Variants in LRP1B observed in about 807,000 individuals in gnomAD.
LRP1B encodes the protein LDL receptor related protein 1B.
A neutral mutation model predicts 556.6 loss-of-function variants in LRP1B; 217 were observed. The ratio of observed to expected loss-of-function variants is 0.39; its 90% CI spans 0.35 to 0.44. The LOEUF (loss-of-function observed/expected upper bound fraction) is 0.44, where lower values mean the gene tolerates loss of function less well. Ranked by LOEUF, LRP1B falls within the 20% of genes least tolerant of loss-of-function variation. LRP1B has a pLI of 1.00. For synonymous variants in LRP1B, 2,047 were observed against 1,865.8 expected (o/e 1.10, Z -2.50); for missense variants, 5,053 against 5,620.8 (o/e 0.90, Z 3.23).
chr2:140,611,051 C>T (rs747384014), intron 41 of LRP1B, among the ~76,000 whole-genome samples: 3 of 152,204 alleles, frequency 2.0e-5, no homozygotes, highest in Non-Finnish European at 2.9e-5. Context: ...CATTGCTCTA[C>T]ACAAAGCTAC....
At chr2:142,045,037 C>A (rs1470979179) in intron 1 of LRP1B, among the ~76,000 whole-genome samples, 1 of 151,300 alleles carries the variant, frequency 6.6e-6, no homozygotes, top group African/African-American at 2.4e-5. Flanking sequence ...ATGTAACTTC[C>A]TTTTTGAAAA....
chr2:141,132,254 G>A (rs185087930), intron 7 of LRP1B, among the ~76,000 whole-genome samples: 11 of 151,990 alleles, frequency 7.2e-5, no homozygotes, highest in East Asian at 1.9e-4. Flanking sequence ...TTATGGGGGC[G>A]GAACCCTCAT....
At chr2:140,625,250 A>C (rs555196553) in intron 41 of LRP1B, among the ~76,000 whole-genome samples, 1 of 152,340 alleles carries the variant, frequency 6.6e-6, no homozygotes, top group African/African-American at 2.4e-5. Context: ...AGTTAGTGAT[A>C]AATGATCATA....
chr2:141,911,643 G>A (rs1699909807), intron 1 of LRP1B, among the ~76,000 whole-genome samples: 1 of 152,170 alleles, frequency 6.6e-6, no homozygotes, highest in African/African-American at 2.4e-5. Flanking sequence ...AGCTGCTGCT[G>A]CCCTTTGGAT....
chr2:141,727,762 T>C (rs1693094289), intron 2 of LRP1B, among the ~76,000 whole-genome samples: 1 of 152,116 alleles, frequency 6.6e-6, no homozygotes, highest in Non-Finnish European at 1.5e-5. Context: ...AAGCAACATA[T>C]ATATTTTATA....
At chr2:140,409,650 T>C (rs1016922424) in intron 66 of LRP1B, among the ~76,000 whole-genome samples, 8 of 152,014 alleles carry the variant, frequency 5.3e-5, no homozygotes, top group African/African-American at 1.9e-4. Context: ...TATATATTGA[T>C]TGTTTTCTCT....
At chr2:141,433,242 A>G (rs1001575883) in intron 3 of LRP1B, among the ~76,000 whole-genome samples, 4 of 151,972 alleles carry the variant, frequency 2.6e-5, no homozygotes, top group Non-Finnish European at 5.9e-5. Context: ...CTTGTATTTA[A>G]AGAATATGCT....
intron 3 of LRP1B, among the ~76,000 whole-genome samples, chr2:141,279,221 C>T (rs1447197893): frequency 6.6e-6 from 1 of 151,776 alleles, no homozygotes; most frequent in Non-Finnish European, 1.5e-5. Flanking sequence ...GATTATGCAC[C>T]TAATTTTTTA....
intron 41 of LRP1B, among the ~76,000 whole-genome samples, chr2:140,622,073 T>G (rs1683478131): frequency 6.6e-6 from 1 of 152,220 alleles, no homozygotes; most frequent in Non-Finnish European, 1.5e-5. Context: ...TTCATCAAAT[T>G]TAAGGAAAAG....
At position 140,909,822 on chromosome 2, in the gene LRP1B, G is replaced by C. The variant is rs192950213; in HGVS notation, c.3320-1745C>G. 1.2e-3 allele frequency among the ~76,000 whole-genome samples: 184 copies of C among 151,002 alleles called. 1 individual carries two copies. Among genetic ancestry groups the C allele is most frequent in the South Asian group, 0.01 (48 of 4,750 alleles). On this transcript the variant is annotated intron_variant, in intron 21 of 90. Transcript: ENST00000389484. ...CAGAAAAACAGATTTCATATCTATA[G>C]AGAGCATATACTAGAAGAAAAGGCC...
intron 2 of LRP1B, among the ~76,000 whole-genome samples, chr2:141,655,322 G>A (rs891575717): frequency 6.6e-6 from 1 of 152,116 alleles, no homozygotes. Flanking sequence ...AGAATAATAA[G>A]GAAGGAGGAG....
At chr2:140,701,965 G>T in intron 39 of LRP1B, 120 bp from the exon 40 acceptor site, 2 of 1,361,936 alleles carry the variant, frequency 1.5e-6, no homozygotes. Flanking sequence ...TTTAGTCTGT[G>T]ACATTGAAAT....
intron 1 of LRP1B, among the ~76,000 whole-genome samples, chr2:142,089,300 C>T (rs988531348): frequency 2.0e-5 from 3 of 151,906 alleles, no homozygotes; most frequent in Admixed American, 1.3e-4. Context: ...CACGGGCTAC[C>T]CTCAAAGTAT....
At chr2:140,303,527 G>A (rs749746106) in intron 83 of LRP1B, among the ~76,000 whole-genome samples, 14 of 151,900 alleles carry the variant, frequency 9.2e-5, no homozygotes, top group Admixed American at 5.3e-4. Context: ...GATTACAGGC[G>A]TGAGACACCA....
intron 66 of LRP1B, among the ~76,000 whole-genome samples, chr2:140,391,845 A>G (rs565784286): frequency 5.9e-5 from 9 of 152,286 alleles, no homozygotes; most frequent in Admixed American, 2.0e-4. Flanking sequence ...ATTCTGTTTC[A>G]TAATTAAAAT....
chr2:141,902,447 G>C (rs1272899998), intron 1 of LRP1B, among the ~76,000 whole-genome samples: 1 of 151,920 alleles, frequency 6.6e-6, no homozygotes, highest in Non-Finnish European at 1.5e-5. Flanking sequence ...AAATTACCAT[G>C]CTATTCTTGA....
At chr2:141,832,621 G>A (rs970576769) in intron 1 of LRP1B, among the ~76,000 whole-genome samples, 5 of 151,690 alleles carry the variant, frequency 3.3e-5, no homozygotes, top group African/African-American at 1.2e-4. Context: ...AGTCACAGAG[G>A]CATTCTAATG....
chr2:141,407,223 C>T (rs1256108345), intron 3 of LRP1B, among the ~76,000 whole-genome samples: 1 of 152,040 alleles, frequency 6.6e-6, no homozygotes, highest in Non-Finnish European at 1.5e-5. Context: ...ACTTTACCAG[C>T]CCATTACTTT....
intron 84 of LRP1B, among the ~76,000 whole-genome samples, chr2:140,280,109 G>A (rs533652246): frequency 6.0e-4 from 91 of 151,790 alleles, no homozygotes; most frequent in African/African-American, 2.1e-3. Flanking sequence ...GAAAAACTTA[G>A]TAATTTCCCC....
Sources: allele counts gnomAD v4.1 joint callset (sites outside exome capture counted in the v4.1 genomes callset), GRCh38; gene constraint gnomAD v4.1.1; transcripts MANE v1.5; gene names NCBI Gene and HGNC (gene_info 2026-07-23, HGNC 2026-07-21).